FHIT: variants seen among roughly 807,000 people sequenced by gnomAD.
FHIT encodes fragile histidine triad diadenosine triphosphatase.
A neutral mutation model predicts 17.9 loss-of-function variants in FHIT; 19 were observed. That is an observed-to-expected ratio of 1.06 (90% CI 0.74 to 1.56). The LOEUF (loss-of-function observed/expected upper bound fraction) is 1.56, where lower values mean the gene tolerates loss of function less well. FHIT is among the 40% of genes most tolerant of loss of function. The pLI is 0.00. For synonymous variants in FHIT, 81 were observed against 69.7 expected, an observed-to-expected ratio of 1.16 and a Z score of -0.81; for missense variants, 248 against 189.2, an observed-to-expected ratio of 1.31 and a Z score of -1.82.
chr3:60,007,108 C>T (rs1188099437), intron 7 of FHIT, among the ~76,000 whole-genome samples: 1 of 152,106 alleles, frequency 6.6e-6, no homozygotes, highest in African/African-American at 2.4e-5. Context: ...ACAGTTCTTA[C>T]AAGATTCCAG....
intron 5 of FHIT, among the ~76,000 whole-genome samples, chr3:60,025,831 G>T (rs778379108): frequency 1.3e-5 from 2 of 151,680 alleles, no homozygotes; most frequent in Non-Finnish European, 2.9e-5. Context: ...TGTCACTGTG[G>T]CAGCTTCCAG....
intron 3 of FHIT, among the ~76,000 whole-genome samples, chr3:60,932,502 G>A (rs1286727506): frequency 2.6e-5 from 4 of 151,998 alleles, no homozygotes; most frequent in African/African-American, 9.7e-5. Context: ...AGAGTCTGGG[G>A]GTATCTATTC....
chr3:60,822,731 A>G (rs1355395410), intron 3 of FHIT, among the ~76,000 whole-genome samples: 1 of 152,132 alleles, frequency 6.6e-6, no homozygotes, highest in Non-Finnish European at 1.5e-5. Context: ...TTTCTGGCAC[A>G]TGTTAGATGC....
At chr3:60,021,771 C>T (rs1460168120) in intron 5 of FHIT, among the ~76,000 whole-genome samples, 1 of 152,112 alleles carries the variant, frequency 6.6e-6, no homozygotes, top group African/African-American at 2.4e-5. Context: ...GTTACAATGT[C>T]CATGCTGTTT....
intron 4 of FHIT, among the ~76,000 whole-genome samples, chr3:60,703,193 CT>C (rs1217328774): frequency 2.0e-5 from 3 of 152,190 alleles, no homozygotes; most frequent in Non-Finnish European, 4.4e-5. Flanking sequence ...AGTAATGTGT[CT>C]GCATGCCAAG....
At position 60,231,224 on chromosome 3, in the gene FHIT, T is replaced by C. The variant is rs193099956; in HGVS notation, c.104-217072A>G. On this transcript the variant is annotated intron_variant, in intron 5 of 9. Coordinates refer to ENST00000492590, the MANE Select transcript of FHIT (RefSeq NM_002012.4). ...CTTTGCAGATATATATGTGTGTATA[T>C]ATGTGTGTATATGTACACATACACA... Among the ~76,000 whole-genome samples the C allele has an allele frequency of 7.8e-3, 1,181 of 152,326 alleles. 7 individuals carry two copies. The highest frequency in any genetic ancestry group is 0.034 in the Middle Eastern group (10 of 294).
chr3:60,617,380 T>A (rs548324514), intron 4 of FHIT: 12 of 201,982 alleles, frequency 5.9e-5, no homozygotes, highest in Admixed American at 1.3e-4. Context: ...TGTTGACCAA[T>A]GTCCCTTGTA....
chr3:59,779,342 G>A (rs1434519750), intron 8 of FHIT, among the ~76,000 whole-genome samples: 1 of 152,128 alleles, frequency 6.6e-6, no homozygotes, highest in Non-Finnish European at 1.5e-5. Flanking sequence ...GGAAGCTGAA[G>A]CCAACAGAAT....
chr3:60,677,966 G>A (rs1158915558), intron 4 of FHIT, among the ~76,000 whole-genome samples: 1 of 152,056 alleles, frequency 6.6e-6, no homozygotes, highest in East Asian at 1.9e-4. Flanking sequence ...CTTCTTCATA[G>A]TAGTCTCTGA....
At chr3:60,173,317 C>T (rs1026258628) in intron 5 of FHIT, among the ~76,000 whole-genome samples, 1 of 152,116 alleles carries the variant, frequency 6.6e-6, no homozygotes, top group African/African-American at 2.4e-5. Flanking sequence ...TTCTATTCAC[C>T]AGTGAATCTC....
intron 5 of FHIT, among the ~76,000 whole-genome samples, chr3:60,253,731 T>C (rs1705841613): frequency 6.6e-6 from 1 of 152,214 alleles, no homozygotes; most frequent in African/African-American, 2.4e-5. Context: ...TTCTGAAAAC[T>C]AATCCACCTT....
chr3:61,161,205 T>C (rs1010694482), intron 2 of FHIT, among the ~76,000 whole-genome samples: 5 of 150,758 alleles, frequency 3.3e-5, no homozygotes, highest in Admixed American at 6.6e-5. Context: ...AGAAAACAAA[T>C]TGCTTTTTTT....
chr3:59,847,468 G>A (rs955791285), intron 8 of FHIT, among the ~76,000 whole-genome samples: 1 of 151,872 alleles, frequency 6.6e-6, no homozygotes, highest in African/African-American at 2.4e-5. Flanking sequence ...TTGCCCTTTT[G>A]ATCAGACATT....
Position 60,099,160 on chromosome 3 carries a change from T to G in FHIT, c.104-85008A>C, listed in dbSNP as rs933787462. ...GCTGTTGCCTGAACATACCCCATAC[T>G]TGTCTCCTACTAGTCTTTGCTCATG... On this transcript the variant is annotated intron_variant, in intron 5 of 9. Transcript: ENST00000492590. 2.0e-5 allele frequency among the ~76,000 whole-genome samples: 3 copies of G among 152,144 alleles called. 1 individual carries two copies. The highest frequency in any genetic ancestry group is 4.1e-4 in the South Asian group (2 of 4,824).
intron 4 of FHIT, among the ~76,000 whole-genome samples, chr3:60,633,948 A>G (rs140416699): frequency 2.0e-4 from 30 of 152,362 alleles, no homozygotes; most frequent in Admixed American, 3.3e-4. Flanking sequence ...CTCATAGCAT[A>G]TGATTTCTTC....
intron 2 of FHIT, among the ~76,000 whole-genome samples, chr3:61,043,467 G>C (rs560707289): frequency 6.6e-6 from 1 of 152,326 alleles, no homozygotes; most frequent in East Asian, 1.9e-4. Context: ...GGAAAACAAA[G>C]AGGCCCAGAA....
chr3:60,092,539 T>C (rs952234598), intron 5 of FHIT, among the ~76,000 whole-genome samples: 4 of 152,230 alleles, frequency 2.6e-5, no homozygotes, highest in Non-Finnish European at 5.9e-5. Flanking sequence ...ATAGCATTTC[T>C]AGATTGATTC....
chr3:60,774,045 T>C (rs114256018), intron 4 of FHIT, among the ~76,000 whole-genome samples: 76 of 152,316 alleles, frequency 5.0e-4, no homozygotes, highest in African/African-American at 1.8e-3. Flanking sequence ...TTAAGGAAGA[T>C]ACGAAAATGG....
chr3:59,837,702 A>G (rs1164802865), intron 8 of FHIT, among the ~76,000 whole-genome samples: 1 of 152,172 alleles, frequency 6.6e-6, no homozygotes, highest in Non-Finnish European at 1.5e-5. Flanking sequence ...TTCTATGAGG[A>G]GCACTATAGC....
Sources: gnomAD v4.1 joint callset for allele counts (sites outside exome capture counted in the v4.1 genomes callset) on GRCh38, gnomAD v4.1.1 for gene constraint, MANE v1.5 for transcripts, NCBI Gene and HGNC (gene_info 2026-07-23, HGNC 2026-07-21) for gene names.